SPIDR: variants seen among roughly 807,000 people sequenced by gnomAD.
SPIDR encodes the protein DNA repair-scaffolding protein.
Under a neutral mutation model 104.6 loss-of-function variants are expected in SPIDR, and 93 were observed. That is an observed-to-expected ratio of 0.89 (90% CI 0.75 to 1.06). The LOEUF (loss-of-function observed/expected upper bound fraction) is 1.06, where lower values mean the gene tolerates loss of function less well. SPIDR is among the 50% of genes least tolerant of loss of function. The probability of loss-of-function intolerance (pLI) is 0.00; values close to 1 mark genes in which losing one functional copy is unlikely to be tolerated. For synonymous variants in SPIDR, 431 were observed against 416.9 expected (o/e 1.03, Z -0.41); for missense variants, 1,154 against 1,111.2 (o/e 1.04, Z -0.55).
Position 47,599,149 on chromosome 8 carries a change from G to A in SPIDR, c.1497G>A (p.Arg499=), listed in dbSNP as rs1407314101. Reference sequence around the variant, plus strand: ...CTCTTCCCAGCAGAGACAGCACCAGGGGTCAGCAGGGGGCCAGCTCAGGAC... The same window carrying A: ...CTCTTCCCAGCAGAGACAGCACCAGAGGTCAGCAGGGGGCCAGCTCAGGAC... ...VYSLPSRDST[R]GQQGASSGHT... The change falls in exon 10 of 20, where the codon AGG becomes AGA. Residue 499 remains arginine (R), a synonymous_variant. Coordinates refer to ENST00000297423, the MANE Select transcript of SPIDR (RefSeq NM_001080394.4). 1 of 1,613,738 alleles carries A rather than the reference G, an allele frequency of 6.2e-7. No individual in the cohort carries two copies. The highest frequency in any genetic ancestry group is 1.1e-5 in the South Asian group (1 of 90,988).
chr8:47,337,633 A>G (rs533585999), intron 5 of SPIDR, among the ~76,000 whole-genome samples: 1 of 151,182 alleles, frequency 6.6e-6, no homozygotes, highest in Non-Finnish European at 1.5e-5. Context: ...TGTCACATGT[A>G]AGAAACCATT....
At chr8:47,279,759 C>T in intron 1 of SPIDR, 103 bp from the exon 2 acceptor site, 5 of 1,161,372 alleles carry the variant, frequency 4.3e-6, no homozygotes, top group South Asian at 1.5e-5. Context: ...TTACTGATGC[C>T]ACTTCTAGGT....
rs1186187617 is a variant in SPIDR, at chr8:47,360,244, CAAAAAAAAAAAAAA to C, written c.526-36118_526-36105del. On this transcript the variant is annotated intron_variant, in intron 5 of 19. Coordinates refer to ENST00000297423, the MANE Select transcript of SPIDR (RefSeq NM_001080394.4). Reference sequence around the variant, plus strand: ...GCAACAACAGAATGAGACTCCATCTCAAAAAAAAAAAAAAAAAAAAAAAAAAAGAAATAGAGGGA... The same window carrying C: ...GCAACAACAGAATGAGACTCCATCTCAAAAAAAAAAAAAGAAATAGAGGGA... Among the ~76,000 whole-genome samples, 198 of 38,962 alleles carry C rather than the reference CAAAAAAAAAAAAAA, an allele frequency of 5.1e-3. 1 individual carries two copies. Among genetic ancestry groups the C allele is most frequent in the African/African-American group, 9.9e-3 (78 of 7,872 alleles). 25.6% of individuals were successfully genotyped at this position (38,962 alleles called of 152,430 possible).
chr8:47,445,103 C>T (rs1554700523), intron 8 of SPIDR, among the ~76,000 whole-genome samples: 1 of 152,114 alleles, frequency 6.6e-6, no homozygotes, highest in East Asian at 1.9e-4. Context: ...TCGAATATAG[C>T]CCACCTTATT....
chr8:47,401,500 A>G (rs1588206135), intron 6 of SPIDR, among the ~76,000 whole-genome samples: 1 of 152,322 alleles, frequency 6.6e-6, no homozygotes, highest in Non-Finnish European at 1.5e-5. Flanking sequence ...CTTAAATATA[A>G]ATGGGCCAAA....
intron 4 of SPIDR, among the ~76,000 whole-genome samples, chr8:47,293,299 A>G (rs1554570662): frequency 2.0e-5 from 3 of 152,208 alleles, no homozygotes; most frequent in African/African-American, 7.2e-5. Flanking sequence ...GGAAAAAAAT[A>G]ACAATACATA....
At chr8:47,482,771 A>G (rs1281759315) in intron 8 of SPIDR, among the ~76,000 whole-genome samples, 2 of 152,058 alleles carry the variant, frequency 1.3e-5, no homozygotes, top group African/African-American at 2.4e-5. Context: ...TGACCTTTCT[A>G]TTGTGGGTTT....
At chr8:47,471,875 C>A (rs150048917) in intron 8 of SPIDR, among the ~76,000 whole-genome samples, 57 of 152,230 alleles carry the variant, frequency 3.7e-4, no homozygotes, top group African/African-American at 9.9e-4. Flanking sequence ...AAACTTAGTT[C>A]TCATATTAGG....
chr8:47,510,278 C>CATAATT (rs2082115714), intron 8 of SPIDR, among the ~76,000 whole-genome samples: 2 of 152,204 alleles, frequency 1.3e-5, no homozygotes, highest in Non-Finnish European at 2.9e-5. Context: ...TGTGTGCACA[C>CATAATT]ACAAATGCTG....
chr8:47,729,594 C>A lies in SPIDR; in HGVS notation c.2604+129C>A, dbSNP rs1476592358. On this transcript the variant is annotated intron_variant, in intron 19 of 19. Coordinates refer to ENST00000297423, the MANE Select transcript of SPIDR (RefSeq NM_001080394.4). ...CCATCCCACTAGGAAGTGGTGTAGA[C>A]ACTCGAGAGTGAAATGCAGATATGT... is the stretch of plus-strand genomic sequence containing the variant. 1.1e-5 allele frequency: 11 copies of A among 1,016,906 alleles called. No individual in the cohort carries two copies. The East Asian group carries it at 1.9e-4, about 17-fold the overall frequency. 63.0% of individuals were successfully genotyped at this position (1,016,906 alleles called of 1,614,324 possible).
intron 8 of SPIDR, among the ~76,000 whole-genome samples, chr8:47,510,636 A>G (rs2082175343): frequency 6.6e-6 from 1 of 152,218 alleles, no homozygotes; most frequent in South Asian, 2.1e-4. Flanking sequence ...TTGCACAAAC[A>G]GTTAACAAAT....
At chr8:47,352,796 G>C (rs951552478) in intron 5 of SPIDR, among the ~76,000 whole-genome samples, 2 of 152,110 alleles carry the variant, frequency 1.3e-5, no homozygotes, top group South Asian at 4.1e-4. Flanking sequence ...AGGCGTGGTG[G>C]CTCACGCCTG....
intron 5 of SPIDR, among the ~76,000 whole-genome samples, chr8:47,385,841 T>C (rs1212195038): frequency 6.6e-6 from 1 of 152,222 alleles, no homozygotes; most frequent in Non-Finnish European, 1.5e-5. Context: ...GTTTGCTCTC[T>C]TTTAAATGTT....
intron 5 of SPIDR, among the ~76,000 whole-genome samples, chr8:47,310,077 T>C (rs998971791): frequency 2.6e-5 from 4 of 151,676 alleles, no homozygotes; most frequent in Non-Finnish European, 5.9e-5. Context: ...CTCACGCCTG[T>C]AATCCCAGCA....
rs145986362 is a variant in SPIDR, at chr8:47,541,161, A to G, written c.1098-54650A>G. 2.8e-3 allele frequency among the ~76,000 whole-genome samples: 424 copies of G among 152,352 alleles called. 1 individual carries two copies. Among genetic ancestry groups the G allele is most frequent in the African/African-American group, 9.9e-3 (412 of 41,582 alleles). On this transcript the variant is annotated intron_variant, in intron 8 of 19. Transcript: ENST00000297423. ...AGGCACGAGCCACTGCGCCCAACCA[A>G]TTAACACTCTTAAAAGAACATACTA...
intron 5 of SPIDR, among the ~76,000 whole-genome samples, chr8:47,383,926 G>A (rs2059601822): frequency 6.6e-6 from 1 of 152,160 alleles, no homozygotes; most frequent in Admixed American, 6.5e-5. Flanking sequence ...CTTTTGCAGT[G>A]CAGGGTTTCA....
intron 8 of SPIDR, among the ~76,000 whole-genome samples, chr8:47,473,740 C>A (rs1454154710): frequency 6.6e-6 from 1 of 152,092 alleles, no homozygotes; most frequent in East Asian, 1.9e-4. Context: ...CTTTGCAAGA[C>A]CAGTGTAGCC....
chr8:47,585,115 A>G (rs374972142), intron 8 of SPIDR, among the ~76,000 whole-genome samples: 2 of 152,216 alleles, frequency 1.3e-5, no homozygotes, highest in East Asian at 1.9e-4. Flanking sequence ...AGCTTTACGT[A>G]TAATTAATCA....
intron 10 of SPIDR, chr8:47,673,373 C>G: frequency 2.2e-6 from 1 of 456,150 alleles, no homozygotes; most frequent in Non-Finnish European, 4.4e-6. Context: ...TGCAGCTTTT[C>G]TCAGTATCGA....
Sources: gnomAD v4.1 joint callset for allele counts (sites outside exome capture counted in the v4.1 genomes callset) on GRCh38, gnomAD v4.1.1 for gene constraint, MANE v1.5 for transcripts, NCBI Gene and HGNC (gene_info 2026-07-23, HGNC 2026-07-21) for gene names.